Variants in ITFG1 observed in about 807,000 individuals in gnomAD.
ITFG1 encodes the protein integrin alpha FG-GAP repeat containing 1, also known as T-cell immunomodulatory protein.
ITFG1 carries 34 observed loss-of-function variants against 81.8 expected under a neutral mutation model. That is an observed-to-expected ratio of 0.42 (90% CI 0.32 to 0.55). The LOEUF (loss-of-function observed/expected upper bound fraction) is 0.55, where lower values mean the gene tolerates loss of function less well. Ranked by LOEUF, ITFG1 falls within the 20% of genes least tolerant of loss-of-function variation. ITFG1 has a pLI of 0.17. For missense variants in ITFG1, 672 were observed against 755.4 expected (o/e 0.89, Z 1.29); for synonymous variants, 285 against 270.6 (o/e 1.05, Z -0.52).
chr16:47,225,279 A>C (rs933866887), intron 13 of ITFG1, among the ~76,000 whole-genome samples: 1 of 152,190 alleles, frequency 6.6e-6, no homozygotes, highest in Non-Finnish European at 1.5e-5. Context: ...AAAAATGAAC[A>C]GAGCCTCTGA....
chr16:47,421,371 T>A (rs1010736083), intron 6 of ITFG1, among the ~76,000 whole-genome samples: 3 of 151,768 alleles, frequency 2.0e-5, no homozygotes, highest in Admixed American at 6.6e-5. Flanking sequence ...AGTGGCGCGA[T>A]CCTGGCTCAC....
At chr16:47,317,523 T>C (rs536300601) in intron 8 of ITFG1, 3 of 152,238 alleles carry the variant, frequency 2.0e-5, no homozygotes, top group Admixed American at 2.0e-4. Flanking sequence ...TTTCCAACTT[T>C]GTTAACCACA....
chr16:47,239,100 G>GACTT (rs1216423133), intron 12 of ITFG1, among the ~76,000 whole-genome samples: 3 of 152,108 alleles, frequency 2.0e-5, no homozygotes, highest in African/African-American at 7.2e-5. Flanking sequence ...GTAGAGGTGA[G>GACTT]ACCTTACCAG....
chr16:47,315,277 GAGA>G (rs1240338588), intron 8 of ITFG1, among the ~76,000 whole-genome samples: 2 of 151,792 alleles, frequency 1.3e-5, no homozygotes, highest in East Asian at 1.9e-4. Context: ...ACTTGAAAAG[GAGA>G]AGGTTTTCCA....
At chr16:47,341,368 T>C (rs1487445776) in intron 8 of ITFG1, among the ~76,000 whole-genome samples, 2 of 135,130 alleles carry the variant, frequency 1.5e-5, no homozygotes, top group Non-Finnish European at 3.2e-5. Flanking sequence ...AGCCCAGGAG[T>C]TGGAGATGCA....
chr16:47,302,922 TGC>T (rs1342200781), intron 10 of ITFG1, among the ~76,000 whole-genome samples: 1 of 152,162 alleles, frequency 6.6e-6, no homozygotes, highest in Non-Finnish European at 1.5e-5. Flanking sequence ...GCTTCTTCTC[TGC>T]AAAAACAGAG....
intron 14 of ITFG1, among the ~76,000 whole-genome samples, chr16:47,210,017 A>G (rs531830435): frequency 4.9e-4 from 74 of 152,194 alleles, no homozygotes; most frequent in Non-Finnish European, 8.7e-4. Context: ...ACTCACGTGT[A>G]GATTTTTGAG....
At position 47,206,253 on chromosome 16, in the gene ITFG1, C is replaced by T. The variant is rs185054585; in HGVS notation, c.1453+12615G>A. 1.6e-3 allele frequency among the ~76,000 whole-genome samples: 249 copies of T among 152,294 alleles called. 1 individual carries two copies. In the Middle Eastern group the frequency reaches 0.017, roughly 10 times the overall value. On this transcript the variant is annotated intron_variant, in intron 14 of 17. Coordinates refer to ENST00000320640, the MANE Select transcript of ITFG1 (RefSeq NM_030790.5). The stretch of plus-strand genomic sequence containing the variant: ...TCTCTCCAGTTGGATCCAAAGAACA[C>T]ATGATTACCTCCCCCATCCCCATCT...
chr16:47,424,782 T>C (rs1968997783), intron 6 of ITFG1, among the ~76,000 whole-genome samples: 1 of 152,104 alleles, frequency 6.6e-6, no homozygotes, highest in African/African-American at 2.4e-5. Flanking sequence ...ACAGCAAATA[T>C]TGCTGCCTGA....
intron 12 of ITFG1, among the ~76,000 whole-genome samples, chr16:47,255,789 G>A (rs1332003597): frequency 6.6e-6 from 1 of 152,136 alleles, no homozygotes; most frequent in East Asian, 1.9e-4. Context: ...GAGTAAGAGA[G>A]ATGTTAATGT....
chr16:47,398,215 T>C (rs1219145486), intron 6 of ITFG1, among the ~76,000 whole-genome samples: 1 of 151,986 alleles, frequency 6.6e-6, no homozygotes, highest in Non-Finnish European at 1.5e-5. Context: ...AACTTTAATT[T>C]CCTCTGTCTT....
chr16:47,226,750 A>G (rs1454443505), intron 13 of ITFG1, among the ~76,000 whole-genome samples: 11 of 152,092 alleles, frequency 7.2e-5, no homozygotes, highest in Admixed American at 7.2e-4. Context: ...ACATACCACA[A>G]AAATCTGAAT....
chr16:47,272,694 C>A (rs1317892050), intron 10 of ITFG1, among the ~76,000 whole-genome samples: 4 of 151,828 alleles, frequency 2.6e-5, no homozygotes, highest in African/African-American at 7.3e-5. Context: ...TTGCGCCCAG[C>A]CTGAATACAC....
At position 47,199,931 on chromosome 16, in the gene ITFG1, A is replaced by G. The variant is rs200375676; in HGVS notation, c.1453+18937T>C. Among the ~76,000 whole-genome samples the G allele has an allele frequency of 5.3e-5, 8 of 151,812 alleles. No homozygotes were observed. In the East Asian group the frequency reaches 1.5e-3, roughly 29 times the overall value. Reference sequence around the variant, plus strand: ...CCCTGGCAGTGCTGCACAGTTCACAATAGGGTTTGCACTCCTATCAGAATC... The same window carrying G: ...CCCTGGCAGTGCTGCACAGTTCACAGTAGGGTTTGCACTCCTATCAGAATC... On this transcript the variant is annotated intron_variant, in intron 14 of 17. Coordinates refer to ENST00000320640, the MANE Select transcript of ITFG1 (RefSeq NM_030790.5).
intron 10 of ITFG1, among the ~76,000 whole-genome samples, chr16:47,267,946 T>G (rs1004749490): frequency 6.6e-6 from 1 of 151,686 alleles, no homozygotes; most frequent in Non-Finnish European, 1.5e-5. Flanking sequence ...AAGAAAAGTC[T>G]CAAACAAATG....
chr16:47,162,615 G>A lies in ITFG1; in HGVS notation c.1503C>T (p.Asn501=). Residue 501 remains asparagine (N), a synonymous_variant, in exon 15 of 18, where the codon AAC becomes AAT. Transcript: ENST00000320640. ...TTGCGCTCCGACCTAAACCAAGCAC[G>A]TTGTATGGTAGTTGGAGAGCTAAAT... ...SAHLALQLPY[N]VLGLGRSANF... is the part of the protein sequence containing the mutation. 6.2e-7 allele frequency: 1 copy of A among 1,611,942 alleles called. No homozygotes were observed. Among genetic ancestry groups the A allele is most frequent in the Non-Finnish European group, 8.5e-7 (1 of 1,178,644 alleles).
At chr16:47,460,461 G>C (rs1969516506) in intron 1 of ITFG1, among the ~76,000 whole-genome samples, 1 of 152,186 alleles carries the variant, frequency 6.6e-6, no homozygotes, top group South Asian at 2.1e-4. Flanking sequence ...AGAAAGGAAT[G>C]AGTGGGCCTT....
chr16:47,337,137 CAA>C (rs5816576), intron 8 of ITFG1, among the ~76,000 whole-genome samples: 6 of 81,050 alleles, frequency 7.4e-5, no homozygotes, highest in Middle Eastern at 6.8e-3. Flanking sequence ...AACTCTGTCT[CAA>C]AAAAAAAAAA....
intron 6 of ITFG1, among the ~76,000 whole-genome samples, chr16:47,404,356 AT>A (rs1313528887): frequency 2.6e-5 from 4 of 152,216 alleles, no homozygotes; most frequent in African/African-American, 9.6e-5. Context: ...CTGGCATGGA[AT>A]GACTTCTAAG....
Sources: gnomAD v4.1 joint callset for allele counts (sites outside exome capture counted in the v4.1 genomes callset) on GRCh38, gnomAD v4.1.1 for gene constraint, MANE v1.5 for transcripts, NCBI Gene and HGNC (gene_info 2026-07-23, HGNC 2026-07-21) for gene names.